MAP3K21: variants seen among roughly 807,000 people sequenced by gnomAD.
MAP3K21 encodes mitogen-activated protein kinase kinase kinase MLK4.
Under a neutral mutation model 86.1 loss-of-function variants are expected in MAP3K21, and 63 were observed. The observed-to-expected ratio is 0.73, with a 90% CI of 0.60 to 0.90. MAP3K21 has a LOEUF of 0.90. MAP3K21 is among the 40% of genes least tolerant of loss of function. The pLI is 0.00. For synonymous variants in MAP3K21, 558 were observed against 564.8 expected, an observed-to-expected ratio of 0.99 and a Z score of 0.17; for missense variants, 1,220 against 1,367.7, an observed-to-expected ratio of 0.89 and a Z score of 1.70.
chr1:233,372,991 G>T (rs1225991355), intron 6 of MAP3K21: 1 of 151,810 alleles, frequency 6.6e-6, no homozygotes, highest in African/African-American at 2.4e-5. Flanking sequence ...GTCTAATGAG[G>T]CTTGCATGGA....
intron 1 of MAP3K21, among the ~76,000 whole-genome samples, chr1:233,329,858 T>C (rs1216352889): frequency 1.3e-5 from 2 of 152,224 alleles, no homozygotes; most frequent in Non-Finnish European, 1.5e-5. Flanking sequence ...ATTTTCCAGA[T>C]GTCAATAAAG....
rs555605186 is a variant in MAP3K21 at position 233,335,334 on chromosome 1, C to T, written c.805+6501C>T. Among the ~76,000 whole-genome samples, 10 of 152,186 alleles carry T rather than the reference C, an allele frequency of 6.6e-5. No homozygotes were observed. In the South Asian group the frequency reaches 8.3e-4, roughly 13 times the overall value. On this transcript the variant is annotated intron_variant, in intron 1 of 9. Coordinates refer to ENST00000366624, the MANE Select transcript of MAP3K21 (RefSeq NM_032435.3). ...TTCATCTTCTCCAAATATTGCTTCA[C>T]GTTGAGTGCTTTTAACTAAATAATA...
At chr1:233,348,236 T>C (rs1303273135) in intron 2 of MAP3K21, among the ~76,000 whole-genome samples, 1 of 152,216 alleles carries the variant, frequency 6.6e-6, no homozygotes, top group East Asian at 1.9e-4. Flanking sequence ...GTCAGTGGAA[T>C]CTTAGAATAT....
In MAP3K21 at chr1:233,379,647, G is replaced by T. The variant is rs967153290; in HGVS notation, c.2641G>T (p.Ala881Ser). ...QQTCGNVPYCASSKHRPSHHR... is the reference protein window; with the variant it reads ...QQTCGNVPYCSSSKHRPSHHR... ...GACATGTGGGAATGTACCTTACTGT[G>T]CTTCTTCAAAACATAGACCGTCACA... Residue 881 changes from alanine (A) to serine (S), a missense_variant, in exon 9 of 10, where the codon GCT becomes TCT. Physicochemically the swap from Ala to Ser is moderately conservative, Grantham distance 99 (BLOSUM62 1). Transcript: ENST00000366624. The T allele has an allele frequency of 3.1e-6, 5 of 1,613,806 alleles. No homozygotes were observed. Among genetic ancestry groups the T allele is most frequent in the Non-Finnish European group, 4.2e-6 (5 of 1,180,014 alleles).
chr1:233,327,948 A>T lies in MAP3K21; in HGVS notation c.-81A>T. The T allele has an allele frequency of 8.7e-7, 1 of 1,149,916 alleles. No individual in the cohort carries two copies. Among genetic ancestry groups the T allele is most frequent in the Non-Finnish European group, 1.1e-6 (1 of 917,814 alleles). 71.2% of individuals were successfully genotyped at this position (1,149,916 alleles called of 1,614,324 possible). ...GCCTTCCCCCGGCGCCGACGGCCAC[A>T]CCGCCGGACGATGCGCGCCCGCGGC... On this transcript the variant is annotated 5_prime_UTR_variant, in exon 1 of 10. Coordinates refer to ENST00000366624, the MANE Select transcript of MAP3K21 (RefSeq NM_032435.3).
At chr1:233,376,953 G>A (rs969544432) in intron 8 of MAP3K21, among the ~76,000 whole-genome samples, 9 of 152,030 alleles carry the variant, frequency 5.9e-5, no homozygotes, top group East Asian at 5.8e-4. Flanking sequence ...AAAACTAGCC[G>A]GCATGGTGGT....
Position 233,353,962 on chromosome 1 carries a change from TGTGTG to T in MAP3K21, c.1135+8_1135+12del. The T allele has an allele frequency of 6.8e-7, 1 of 1,461,142 alleles. No individual in the cohort carries two copies. Among genetic ancestry groups the T allele is most frequent in the Non-Finnish European group, 9.2e-7 (1 of 1,091,880 alleles). The allele number at this position is 1,461,142 out of a possible 1,614,324, so 90.5% of individuals were successfully genotyped here. A position where few individuals can be genotyped will look rare whatever the true frequency, so the allele number is the denominator to read the frequency against. ...TTTGCCAAGCTCATGAAAGGTATTG[TGTGTG>T]TGTGTGTGTGTCTTTGTGGGGGCAA... On this transcript the variant is annotated splice_region_variant and intron_variant, in intron 3 of 9. Transcript: ENST00000366624.
rs1289261993 is a variant in MAP3K21, at chr1:233,327,926, T to C, written c.-103T>C. 3 of 954,212 alleles carry C rather than the reference T, an allele frequency of 3.1e-6. No homozygotes were observed. Among genetic ancestry groups the C allele is most frequent in the Non-Finnish European group, 4.1e-6 (3 of 739,510 alleles). The allele number at this position is 954,212 out of a possible 1,614,324, so 59.1% of individuals were successfully genotyped here. On this transcript the variant is annotated 5_prime_UTR_variant, in exon 1 of 10. Coordinates refer to ENST00000366624, the MANE Select transcript of MAP3K21 (RefSeq NM_032435.3). Reference sequence around the variant, plus strand: ...CGATCGCGATTCCTACCCCCTCGCCTTCCCCCGGCGCCGACGGCCACACCG... The same window carrying C: ...CGATCGCGATTCCTACCCCCTCGCCCTCCCCCGGCGCCGACGGCCACACCG...
rs1367026677 is a variant in MAP3K21, at chr1:233,372,113, G to A, written c.1628G>A (p.Ser543Asn). 4 of 1,613,998 alleles carry A rather than the reference G, an allele frequency of 2.5e-6. No homozygotes were observed. The highest frequency in any genetic ancestry group is 3.3e-5 in the Admixed American group (2 of 59,996). The part of the protein sequence containing the change: ...KRRSLNSSSS[S>N]PPSSPTMMPR... ...CGGAGCCTGAACAGCAGCAGTTCCA[G>A]TCCCCCGAGCAGCCCCACAATGATG... The change falls in exon 6 of 10, where the codon AGT becomes AAT. Residue 543 changes from serine to asparagine, a missense_variant. Ser to Asn is a conservative substitution (Grantham distance 46). Around this residue, in one of 5 missense-constraint regions of MAP3K21, gnomAD observed 632 missense variants for 691.3 expected, o/e 0.91. Transcript: ENST00000366624.
At chr1:233,350,691 A>C (rs1246918729) in intron 2 of MAP3K21, among the ~76,000 whole-genome samples, 1 of 152,148 alleles carries the variant, frequency 6.6e-6, no homozygotes, top group African/African-American at 2.4e-5. Context: ...CTGGTTTTGC[A>C]GGTTAAGTAG....
intron 1 of MAP3K21, among the ~76,000 whole-genome samples, chr1:233,337,131 A>G (rs376848963): frequency 8.7e-4 from 133 of 152,292 alleles, no homozygotes; most frequent in Non-Finnish European, 1.7e-3. Context: ...TTTCTCCTGT[A>G]TAGGGCCGGA....
chr1:233,378,813 G>C (rs946606912), intron 8 of MAP3K21, 118 bp from the exon 9 acceptor site: 2 of 746,338 alleles, frequency 2.7e-6, no homozygotes, highest in African/African-American at 3.5e-5. Context: ...GAAAAGGGCT[G>C]CATGTGTTTT....
Position 233,346,430 on chromosome 1 carries a change from A to G in MAP3K21, c.806-12A>G, listed in dbSNP as rs1012417918. 5 of 1,571,110 alleles carry G rather than the reference A, an allele frequency of 3.2e-6. No homozygotes were observed. The highest frequency in any genetic ancestry group is 4.3e-6 in the Non-Finnish European group (5 of 1,156,082). On this transcript the variant is annotated splice_polypyrimidine_tract_variant and intron_variant, in intron 1 of 9. Coordinates refer to ENST00000366624, the MANE Select transcript of MAP3K21 (RefSeq NM_032435.3). ...AGAATATGCAAATGTCTCACTTTTG[A>G]TTTTTCTTTAGTTTTGCTACTTGAG...
chr1:233,330,945 A>G (rs1157495386), intron 1 of MAP3K21, among the ~76,000 whole-genome samples: 1 of 152,110 alleles, frequency 6.6e-6, no homozygotes, highest in African/African-American at 2.4e-5. Context: ...ATTTTTATAA[A>G]GTTTTATAAA....
chr1:233,364,906 T>C (rs1663545769), intron 5 of MAP3K21, among the ~76,000 whole-genome samples: 1 of 152,094 alleles, frequency 6.6e-6, no homozygotes, highest in South Asian at 2.1e-4. Flanking sequence ...GGCACTACAT[T>C]ATCATCTTAA....
rs1663962872 is a variant in MAP3K21, at chr1:233,383,941, C to T, written c.*1230C>T. ...TCTATGAATCACTTTTATGGTCATA[C>T]ATATATGATACAAATCCAGAGTTAT... On this transcript the variant is annotated 3_prime_UTR_variant, in exon 10 of 10. Transcript: ENST00000366624. The T allele has an allele frequency of 2.0e-5, 3 of 152,072 alleles. No homozygotes were observed. The highest frequency in any genetic ancestry group is 2.9e-5 in the Non-Finnish European group (2 of 68,016). The allele number at this position is 152,072 out of a possible 1,614,324, so 9.4% of individuals were successfully genotyped here.
chr1:233,349,659 C>G (rs1036933289), intron 2 of MAP3K21, among the ~76,000 whole-genome samples: 4 of 152,192 alleles, frequency 2.6e-5, no homozygotes, highest in African/African-American at 9.7e-5. Context: ...AAGATACCAG[C>G]CGGGCATGGT....
intron 6 of MAP3K21, among the ~76,000 whole-genome samples, chr1:233,375,257 G>A (rs1039095593): frequency 3.9e-5 from 6 of 152,032 alleles, no homozygotes; most frequent in Admixed American, 1.3e-4. Context: ...TCACTTTCAA[G>A]TGCACTTAAA....
At chr1:233,374,023 TA>T (rs1663738543) in intron 6 of MAP3K21, 1 of 152,182 alleles carries the variant, frequency 6.6e-6, no homozygotes, top group Non-Finnish European at 1.5e-5. Context: ...TTGGGTCTAA[TA>T]ACCCCCAGCT....
Sources: gnomAD v4.1 joint callset for allele counts (sites outside exome capture counted in the v4.1 genomes callset) on GRCh38, gnomAD v4.1.1 for gene constraint, gnomAD v4.1.1 regional missense constraint, MANE v1.5 for transcripts, NCBI Gene and HGNC (gene_info 2026-07-23, HGNC 2026-07-21) for gene names.